MYH8: variants seen among roughly 807,000 people sequenced by gnomAD.
The protein encoded by MYH8 is myosin heavy chain 8.
In MYH8, 168 loss-of-function variants were observed where a neutral mutation model predicts 233.2. The observed-to-expected ratio is 0.72, with a 90% CI of 0.64 to 0.82. The LOEUF (loss-of-function observed/expected upper bound fraction) is 0.82. MYH8 is among the 40% of genes least tolerant of loss of function. MYH8 has a pLI of 0.00. For missense variants in MYH8, 1,995 were observed against 2,327.8 expected, an observed-to-expected ratio of 0.86 and a Z score of 2.94; for synonymous variants, 785 against 850.6, an observed-to-expected ratio of 0.92 and a Z score of 1.34.
intron 12 of MYH8, among the ~76,000 whole-genome samples, chr17:10,413,130 C>T (rs1455220069): frequency 1.3e-5 from 2 of 152,200 alleles, no homozygotes; most frequent in Non-Finnish European, 2.9e-5. Context: ...TTTCACCTCC[C>T]TATTAAACCT....
Position 10,396,566 on chromosome 17 carries a change from A to G in MYH8, c.4515T>C (p.Asn1505=). The change falls in exon 32 of 40, where the codon AAT becomes AAC. Residue 1505 remains asparagine (N), a synonymous_variant. Coordinates refer to ENST00000403437, the MANE Select transcript of MYH8 (RefSeq NM_002472.3). The surrounding 1 kb of genome is among the most constrained non-coding windows in gnomAD (Gnocchi z 4.2). ...GTGAGGACTCACGTTGCAAGTTCTT[A>G]TTTTCTCTTCTTAGCGTTTCGAGTT... ...LDQLETLRRE[N]KNLQQEISDL... 1.2e-6 allele frequency: 2 copies of G among 1,613,994 alleles called. No homozygotes were observed. Among genetic ancestry groups the G allele is most frequent in the Non-Finnish European group, 1.7e-6 (2 of 1,179,966 alleles).
chr17:10,401,038 G>A lies in MYH8; in HGVS notation c.3254+8C>T, dbSNP rs778017020. 18 of 1,613,764 alleles carry A rather than the reference G, an allele frequency of 1.1e-5. No individual in the cohort carries two copies. The highest frequency in any genetic ancestry group is 1.0e-4 in the Admixed American group (6 of 59,984). On this transcript the variant is annotated splice_region_variant and intron_variant, in intron 25 of 39. Coordinates refer to ENST00000403437, the MANE Select transcript of MYH8 (RefSeq NM_002472.3). ...TCACATAGAAGTTTTTTTCTAAAAGGCTCCTACTTTTCAAGCTTTTCATCA... is the reference window on the plus strand; with the variant it reads ...TCACATAGAAGTTTTTTTCTAAAAGACTCCTACTTTTCAAGCTTTTCATCA...
intron 39 of MYH8, among the ~76,000 whole-genome samples, chr17:10,391,241 G>A (rs2072019778): frequency 6.6e-6 from 1 of 152,208 alleles, no homozygotes. Flanking sequence ...TTTGGCTTTT[G>A]AGAACTTGAT....
At chr17:10,405,921 T>G in intron 21 of MYH8, 120 bp downstream of exon 21, 7 of 1,228,416 alleles carry the variant, frequency 5.7e-6, no homozygotes, top group Non-Finnish European at 5.9e-6. Context: ...GTTGTAGGAG[T>G]GAGTTCTGAA....
At position 10,396,679 on chromosome 17, in the gene MYH8, C is replaced by A; in HGVS notation, c.4402G>T (p.Ala1468Ser). 6.2e-7 allele frequency: 1 copy of A among 1,614,194 alleles called. No homozygotes were observed. The highest frequency in any genetic ancestry group is 8.5e-7 in the Non-Finnish European group (1 of 1,180,048). The change falls in exon 32 of 40, where the codon GCT (alanine) becomes TCT (serine). Residue 1468 changes from alanine (A) to serine (S), a missense_variant. Physicochemically the swap from Ala to Ser is moderately conservative, Grantham distance 99. Coordinates refer to ENST00000403437, the MANE Select transcript of MYH8 (RefSeq NM_002472.3). The surrounding 1 kb of genome is among the most constrained non-coding windows in gnomAD (Gnocchi z 4.2). ...TCCTTCTGGGAGGCCTCAAGTTCAG[C>A]CTGAGTTTCCTCATACTTCTGCTTC... is the stretch of plus-strand genomic sequence containing the variant. Reference protein sequence around the residue: ...EWKQKYEETQAELEASQKESR... With the variant: ...EWKQKYEETQSELEASQKESR...
At chr17:10,414,619 A>G in intron 9 of MYH8, 135 bp from the exon 10 acceptor site, 1 of 695,344 alleles carries the variant, frequency 1.4e-6, no homozygotes. Context: ...GACCAATTGC[A>G]GATAGACAGT....
chr17:10,409,228 AT>A (rs1228384438), intron 16 of MYH8, 50 bp downstream of exon 16: 1 of 1,613,432 alleles, frequency 6.2e-7, no homozygotes, highest in African/African-American at 1.3e-5. Flanking sequence ...AACATGTATT[AT>A]AACATTATGT....
At chr17:10,404,688 T>C (rs1277004553) in intron 21 of MYH8, 103 bp from the exon 22 acceptor site, 2 of 1,351,808 alleles carry the variant, frequency 1.5e-6, no homozygotes, top group African/African-American at 2.9e-5. Context: ...CGCTCACAAA[T>C]AAATATGTCA....
rs948452340 is a variant in MYH8, at chr17:10,417,748, G to C, written c.511+897C>G. On this transcript the variant is annotated intron_variant, in intron 5 of 39. Coordinates refer to ENST00000403437, the MANE Select transcript of MYH8 (RefSeq NM_002472.3). The surrounding 1 kb of genome is among the most constrained non-coding windows in gnomAD (Gnocchi z 4.1). Reference sequence around the variant, plus strand: ...TAGTTAGCTTCTGTTGACAATCAAAGAACAGTTTACTGGCATAGAATCCTT... The same window carrying C: ...TAGTTAGCTTCTGTTGACAATCAAACAACAGTTTACTGGCATAGAATCCTT... Among the ~76,000 whole-genome samples the C allele has an allele frequency of 6.6e-6, 1 of 152,164 alleles. No homozygotes were observed. Among genetic ancestry groups the C allele is most frequent in the Non-Finnish European group, 1.5e-5 (1 of 68,026 alleles).
intron 12 of MYH8, 73 bp from the exon 13 acceptor site, chr17:10,412,801 CCAATT>C: frequency 2.3e-6 from 3 of 1,278,180 alleles, no homozygotes. Flanking sequence ...CCATTTTTCT[CCAATT>C]CAATCTATTA....
chr17:10,391,879 T>C lies in MYH8; in HGVS notation c.5664+3A>G. 6.2e-7 allele frequency: 1 copy of C among 1,612,486 alleles called. No homozygotes were observed. Among genetic ancestry groups the C allele is most frequent in the Admixed American group, 1.7e-5 (1 of 60,026 alleles). On this transcript the variant is annotated splice_donor_region_variant and intron_variant, in intron 39 of 39. Coordinates refer to ENST00000403437, the MANE Select transcript of MYH8 (RefSeq NM_002472.3). ...CTTTCCTCAAGGGCTTAAAGATACT[T>C]ACAGCCTCCTCAGCTTGTCTCTTGT...
intron 12 of MYH8, among the ~76,000 whole-genome samples, chr17:10,413,657 A>G (rs1016088605): frequency 3.3e-5 from 5 of 151,926 alleles, no homozygotes; most frequent in South Asian, 2.1e-4. Flanking sequence ...ATCTCATTCT[A>G]TCTCATAGTT....
intron 28 of MYH8, 108 bp from the exon 29 acceptor site, chr17:10,398,994 GTATATATA>G (rs71365759): frequency 3.5e-5 from 11 of 312,704 alleles, no homozygotes; most frequent in East Asian, 1.2e-4. Context: ...ATGTGTGTGT[GTATATATA>G]TATATATATA....
In MYH8 at chr17:10,409,554, C is replaced by G. The variant is rs757657282; in HGVS notation, c.1622G>C (p.Cys541Ser). 3.1e-6 allele frequency: 5 copies of G among 1,614,210 alleles called. No individual in the cohort carries two copies. In the South Asian group the frequency reaches 5.5e-5, roughly 18 times the overall value. The change falls in exon 16 of 40, where the codon TGC becomes TCC. Residue 541 changes from cysteine (C) to serine (S), a missense_variant. Around this residue, in one of 3 missense-constraint regions of MYH8, gnomAD observed 1,498 missense variants for 1,680.9 expected, o/e 0.89. Coordinates refer to ENST00000403437, the MANE Select transcript of MYH8 (RefSeq NM_002472.3). ...LGIFSILEEECMFPKATDTSF... is the reference protein window; with the variant it reads ...LGIFSILEEESMFPKATDTSF... ...GGTGTCCGTTGCCTTAGGGAACATG[C>G]ACTCCTCTTCCAGGATGGAGAAGAT...
At chr17:10,404,207 T>C (rs2072167096) in intron 22 of MYH8, 123 bp downstream of exon 22, 2 of 1,162,684 alleles carry the variant, frequency 1.7e-6, no homozygotes, top group African/African-American at 1.6e-5. Context: ...AAAAGATAAA[T>C]GAGGTATTAA....
At position 10,393,138 on chromosome 17, in the gene MYH8, C is replaced by A. The variant is rs2072045758; in HGVS notation, c.5239G>T (p.Val1747Leu). The part of the protein sequence containing the change: ...VSQLQSEVEE[V>L]IQESRNAEEK... ...TCTGCATTGCGTGATTCTTGGATTACTTCTTCCACTTCACTTTGGAGTTGG... is the reference window on the plus strand; with the variant it reads ...TCTGCATTGCGTGATTCTTGGATTAATTCTTCCACTTCACTTTGGAGTTGG... The change falls in exon 36 of 40, where the codon GTA becomes TTA. Residue 1747 changes from valine to leucine, a missense_variant. By Grantham distance (32) the Val-to-Leu change is conservative. Transcript: ENST00000403437. The A allele has an allele frequency of 6.2e-7, 1 of 1,614,222 alleles. No individual in the cohort carries two copies. The highest frequency in any genetic ancestry group is 8.5e-7 in the Non-Finnish European group (1 of 1,180,048).
chr17:10,405,915 T>C (rs1169386563), intron 21 of MYH8, 126 bp downstream of exon 21: 3 of 1,164,154 alleles, frequency 2.6e-6, no homozygotes, highest in African/African-American at 1.5e-5. Context: ...TGCTGTGTTG[T>C]AGGAGTGAGT....
chr17:10,406,882 T>C lies in MYH8; in HGVS notation c.2053+10A>G, dbSNP rs771347171. On this transcript the variant is annotated intron_variant, in intron 18 of 39. Transcript: ENST00000403437. ...GTGCCCGTTTGATTATTTCACTCTC[T>C]GTGTCTTACCAGGAGTTTTGGTTTC... 4 of 1,613,504 alleles carry C rather than the reference T, an allele frequency of 2.5e-6. No individual in the cohort carries two copies. In the East Asian group the frequency reaches 8.9e-5, roughly 36 times the overall value.
chr17:10,393,039 A>C, intron 36 of MYH8, 38 bp from the exon 37 acceptor site: 2 of 1,614,200 alleles, frequency 1.2e-6, no homozygotes, highest in Non-Finnish European at 1.7e-6. Flanking sequence ...ATGAAACTTG[A>C]TGATAGCAGG....
Sources: gnomAD v4.1 joint callset for allele counts (sites outside exome capture counted in the v4.1 genomes callset) on GRCh38, gnomAD v4.1.1 for gene constraint, gnomAD v4.1.1 regional missense constraint, Gnocchi (gnomAD v3.1) non-coding constraint, MANE v1.5 for transcripts, NCBI Gene and HGNC (gene_info 2026-07-23, HGNC 2026-07-21) for gene names.